The following ZDHHC11B variants were observed in gnomAD, a reference collection of about 807,000 sequenced individuals.
ZDHHC11B encodes zDHHC palmitoyltransferase 11B (putative).
Under a neutral mutation model 42.3 loss-of-function variants are expected in ZDHHC11B, and 17 were observed. The observed-to-expected ratio is 0.40, with a 90% confidence interval of 0.27 to 0.60. ZDHHC11B has a LOEUF of 0.60. ZDHHC11B is among the 20% of genes least tolerant of loss of function. The pLI is 0.41. For synonymous variants in ZDHHC11B, 123 were observed against 193.5 expected, an observed-to-expected ratio of 0.64 and a Z score of 3.02; for missense variants, 262 against 463.2, an observed-to-expected ratio of 0.57 and a Z score of 3.99.
At position 751,844 on chromosome 5, in the gene ZDHHC11B, G is replaced by A. The variant is rs1469667627; in HGVS notation, c.504-587C>T. 6.2e-4 allele frequency among the ~76,000 whole-genome samples: 74 copies of A among 119,952 alleles called. 14 individuals carry two copies. Among genetic ancestry groups the A allele is most frequent in the Non-Finnish European group, 1.2e-3 (67 of 53,650 alleles). The allele number at this position is 119,952 out of a possible 152,430, so 78.7% of individuals were successfully genotyped here. ...AATTCAGGCAGTGCTTCTTGCAAAC[G>A]TGATTGCCTTTAATCCCCACAAGGA... is the stretch of plus-strand genomic sequence containing the variant. On this transcript the variant is annotated intron_variant, in intron 6 of 13. Coordinates refer to ENST00000508859, the MANE Select transcript of ZDHHC11B (RefSeq NM_001351303.2).
intron 4 of ZDHHC11B, among the ~76,000 whole-genome samples, chr5:766,263 G>A (rs571033324): frequency 9.3e-5 from 14 of 150,976 alleles, no homozygotes; most frequent in Admixed American, 5.3e-4. Flanking sequence ...GAGCAGACAC[G>A]GGCTTCCCCC....
rs537895551 is a variant in ZDHHC11B at position 756,525 on chromosome 5, C to A, written c.223-381G>T. Among the ~76,000 whole-genome samples, 14 of 151,416 alleles carry A rather than the reference C, an allele frequency of 9.2e-5. 2 individuals carry two copies. The South Asian group carries it at 2.9e-3, about 32-fold the overall frequency. On this transcript the variant is annotated intron_variant, in intron 4 of 13. Coordinates refer to ENST00000508859, the MANE Select transcript of ZDHHC11B (RefSeq NM_001351303.2). ...CCCCTTTTGGTTCATCCCTGTTGGA[C>A]ACAGGGCAAATCCCCCACAGAATGT...
chr5:766,355 G>A (rs1410611732), intron 4 of ZDHHC11B, among the ~76,000 whole-genome samples: 1 of 151,890 alleles, frequency 6.6e-6, no homozygotes, highest in African/African-American at 2.4e-5. Context: ...GCTGGGAGAT[G>A]GGAGCAGACG....
intron 12 of ZDHHC11B, among the ~76,000 whole-genome samples, chr5:726,993 C>G (rs1742646730): frequency 7.7e-6 from 1 of 130,292 alleles, no homozygotes; most frequent in Non-Finnish European, 1.6e-5. Context: ...CAAAGAAAAC[C>G]AGTTTACAAG....
At chr5:784,567 G>C (rs1197879215) in intron 1 of ZDHHC11B, among the ~76,000 whole-genome samples, 101 bp downstream of exon 1, 4 of 152,196 alleles carry the variant, frequency 2.6e-5, no homozygotes, top group African/African-American at 9.6e-5. Flanking sequence ...GCGGGGGGCA[G>C]GGGCTGCGGC....
At chr5:757,920 G>C (rs395567) in intron 4 of ZDHHC11B, among the ~76,000 whole-genome samples, 127,341 of 151,454 alleles carry the variant, frequency 0.84, 53,885 homozygotes, top group East Asian at 0.97. Context: ...GCAGTGGCCA[G>C]TCTAATCCCA....
At chr5:751,735 C>T (rs1430870037) in intron 6 of ZDHHC11B, among the ~76,000 whole-genome samples, 1 of 127,830 alleles carries the variant, frequency 7.8e-6, no homozygotes, top group Non-Finnish European at 1.7e-5. Flanking sequence ...GTCTCTGTGC[C>T]ATCCTGTGAC....
chr5:780,708 G>A (rs1319039141), intron 1 of ZDHHC11B, among the ~76,000 whole-genome samples: 1 of 148,960 alleles, frequency 6.7e-6, no homozygotes, highest in East Asian at 2.0e-4. Flanking sequence ...GGGGACACGT[G>A]GGCACTGGCG....
At chr5:712,998 C>T (rs1741485260) in intron 13 of ZDHHC11B, among the ~76,000 whole-genome samples, 1 of 150,070 alleles carries the variant, frequency 6.7e-6, no homozygotes, top group Non-Finnish European at 1.5e-5. Context: ...ATTTTATTTC[C>T]CCTTCTTGGA....
chr5:728,401 G>C (rs1342857963), intron 12 of ZDHHC11B, among the ~76,000 whole-genome samples: 1 of 151,860 alleles, frequency 6.6e-6, no homozygotes, highest in Non-Finnish European at 1.5e-5. Context: ...GTCAGTATCT[G>C]ACAACCTTGG....
At chr5:722,793 G>A (rs1381570233) in intron 12 of ZDHHC11B, among the ~76,000 whole-genome samples, 1 of 151,292 alleles carries the variant, frequency 6.6e-6, no homozygotes, top group African/African-American at 2.4e-5. Flanking sequence ...GTACGGGGTG[G>A]AACAGCCACA....
chr5:766,552 C>T (rs1735409008), intron 4 of ZDHHC11B, 146 bp downstream of exon 4: 5 of 947,590 alleles, frequency 5.3e-6, no homozygotes, highest in Non-Finnish European at 7.9e-6. Flanking sequence ...CCACTGGGCC[C>T]ACCTGCAGGC....
rs1479141041 is a variant in ZDHHC11B, at chr5:711,803, G to C, written c.*487C>G. ...CCCAGCACTGTGATCCCATTTCCTAGTACTGTGCTACCATTTCCCAGTACT... is the reference window on the plus strand; with the variant it reads ...CCCAGCACTGTGATCCCATTTCCTACTACTGTGCTACCATTTCCCAGTACT... On this transcript the variant is annotated 3_prime_UTR_variant, in exon 14 of 14. Coordinates refer to ENST00000508859, the MANE Select transcript of ZDHHC11B (RefSeq NM_001351303.2). The C allele has an allele frequency of 6.8e-6, 1 of 147,832 alleles. No homozygotes were observed. Among genetic ancestry groups the C allele is most frequent in the African/African-American group, 2.6e-5 (1 of 38,352 alleles). The allele number at this position is 147,832 out of a possible 1,614,324, so 9.2% of individuals were successfully genotyped here. A position where few individuals can be genotyped will look rare whatever the true frequency, so the allele number is the denominator to read the frequency against.
intron 12 of ZDHHC11B, among the ~76,000 whole-genome samples, chr5:724,395 T>TTTTTA (rs70955293): frequency 7.7e-6 from 1 of 129,162 alleles, no homozygotes. Flanking sequence ...TTTTTTTTTT[T>TTTTTA]GAGACAGTCT....
chr5:772,785 T>G (rs1736163415), intron 1 of ZDHHC11B, among the ~76,000 whole-genome samples: 1 of 151,686 alleles, frequency 6.6e-6, no homozygotes, highest in Admixed American at 6.6e-5. Flanking sequence ...CTGCCAGAAA[T>G]GCTTCCAAAG....
chr5:736,226 A>T (rs1215340409), intron 10 of ZDHHC11B, among the ~76,000 whole-genome samples: 1 of 149,996 alleles, frequency 6.7e-6, no homozygotes, highest in Non-Finnish European at 1.5e-5. Flanking sequence ...GACAAAGAGC[A>T]ACACTATACG....
At chr5:726,884 AG>A (rs1742640866) in intron 12 of ZDHHC11B, among the ~76,000 whole-genome samples, 1 of 118,252 alleles carries the variant, frequency 8.5e-6, no homozygotes, top group Non-Finnish European at 1.7e-5. Flanking sequence ...CATTCTTGCC[AG>A]AAATGGATAA....
intron 1 of ZDHHC11B, among the ~76,000 whole-genome samples, chr5:775,697 G>A (rs1736415839): frequency 2.0e-5 from 3 of 151,844 alleles, no homozygotes; most frequent in African/African-American, 7.3e-5. Flanking sequence ...CTCTAACCCT[G>A]GAGACGCCGC....
chr5:759,471 C>T (rs1409735181), intron 4 of ZDHHC11B, among the ~76,000 whole-genome samples: 25 of 151,914 alleles, frequency 1.6e-4, no homozygotes, highest in Non-Finnish European at 3.1e-4. Context: ...CTGCAGCTAC[C>T]GAGCTCGTGC....
Sources: gnomAD v4.1 joint callset for allele counts (sites outside exome capture counted in the v4.1 genomes callset) on GRCh38, gnomAD v4.1.1 for gene constraint, MANE v1.5 for transcripts, NCBI Gene and HGNC (gene_info 2026-07-23, HGNC 2026-07-21) for gene names.